Variants in PAPPA2 observed in about 807,000 individuals in gnomAD.
The protein encoded by PAPPA2 is pappalysin-2.
In PAPPA2, 86 loss-of-function variants were observed where a neutral mutation model predicts 176.4. The ratio of observed to expected loss-of-function variants is 0.49; its 90% CI spans 0.41 to 0.58. The LOEUF is 0.58. Ranked by LOEUF, PAPPA2 falls within the 20% of genes least tolerant of loss-of-function variation. The probability of loss-of-function intolerance (pLI) is 0.00; values close to 1 mark genes in which losing one functional copy is unlikely to be tolerated. For missense variants in PAPPA2, 2,073 were observed against 2,256.9 expected (o/e 0.92, Z 1.65); for synonymous variants, 809 against 852.2 (o/e 0.95, Z 0.88).
intron 21 of PAPPA2, among the ~76,000 whole-genome samples, chr1:176,809,664 C>T (rs1001014735): frequency 3.3e-5 from 5 of 152,180 alleles, no homozygotes; most frequent in South Asian, 2.1e-4. Context: ...TGAGGGTTTT[C>T]GTACCATTTT....
intron 1 of PAPPA2, among the ~76,000 whole-genome samples, chr1:176,497,275 C>T (rs542340421): frequency 4.6e-5 from 7 of 152,292 alleles, no homozygotes; most frequent in South Asian, 2.1e-4. Context: ...TGGGCTTCTA[C>T]GACCACCTAA....
intron 3 of PAPPA2, among the ~76,000 whole-genome samples, chr1:176,621,876 T>A (rs1163440223): frequency 6.6e-6 from 1 of 152,198 alleles, no homozygotes; most frequent in African/African-American, 2.4e-5. Flanking sequence ...GCCAGAGTTT[T>A]TATTAATATT....
chr1:176,606,093 A>G (rs1468446411), intron 3 of PAPPA2, among the ~76,000 whole-genome samples: 1 of 151,736 alleles, frequency 6.6e-6, no homozygotes, highest in Non-Finnish European at 1.5e-5. Flanking sequence ...ACATATATAT[A>G]TAATTATACC....
At chr1:176,687,845 T>C (rs1558519876) in intron 4 of PAPPA2, among the ~76,000 whole-genome samples, 1 of 152,294 alleles carries the variant, frequency 6.6e-6, no homozygotes, top group East Asian at 1.9e-4. Context: ...AGGTTCTGTG[T>C]TCAAATAAGT....
intron 9 of PAPPA2, among the ~76,000 whole-genome samples, chr1:176,703,816 G>T (rs1016568516): frequency 6.6e-6 from 1 of 152,166 alleles, no homozygotes; most frequent in South Asian, 2.1e-4. Context: ...CCTTGCTCAC[G>T]TGCTGTCCCT....
At chr1:176,680,832 G>T (rs1659551967) in intron 4 of PAPPA2, among the ~76,000 whole-genome samples, 1 of 152,134 alleles carries the variant, frequency 6.6e-6, no homozygotes, top group Non-Finnish European at 1.5e-5. Context: ...AGTAATTATT[G>T]CTGTAATGAG....
At chr1:176,545,415 AAAATAAATAAATAAATAAATAAAT>A (rs55993766) in intron 1 of PAPPA2, among the ~76,000 whole-genome samples, 2 of 146,284 alleles carry the variant, frequency 1.4e-5, no homozygotes, top group African/African-American at 2.5e-5. Flanking sequence ...AACCTCAGAA[AAAATAAATAAATAAATAAATAAAT>A]AAATAAATAA....
intron 2 of PAPPA2, among the ~76,000 whole-genome samples, chr1:176,561,893 A>G (rs1429380441): frequency 6.6e-6 from 1 of 152,200 alleles, no homozygotes; most frequent in Non-Finnish European, 1.5e-5. Context: ...GCTGAAGGTG[A>G]ATGAGGAGGA....
intron 1 of PAPPA2, among the ~76,000 whole-genome samples, chr1:176,547,720 G>T (rs1301395537): frequency 6.6e-6 from 1 of 152,088 alleles, no homozygotes; most frequent in Non-Finnish European, 1.5e-5. Flanking sequence ...AGCATCCCTA[G>T]CCTGTACCCA....
At chr1:176,557,371 A>G in intron 2 of PAPPA2, 130 bp downstream of exon 2, 1 of 1,036,592 alleles carries the variant, frequency 9.6e-7, no homozygotes, top group African/African-American at 1.6e-5. Context: ...AGCCAGGGAG[A>G]GGGGGAAGGG....
At chr1:176,796,462 T>C (rs1359698792) in intron 20 of PAPPA2, among the ~76,000 whole-genome samples, 1 of 152,186 alleles carries the variant, frequency 6.6e-6, no homozygotes, top group Non-Finnish European at 1.5e-5. Flanking sequence ...TAAAAAATAA[T>C]TGAGCAATTT....
At chr1:176,789,423 G>A (rs1292544285) in intron 17 of PAPPA2, among the ~76,000 whole-genome samples, 1 of 151,686 alleles carries the variant, frequency 6.6e-6, no homozygotes, top group Non-Finnish European at 1.5e-5. Context: ...GAGTGGGGAG[G>A]GATAGCATTA....
chr1:176,731,272 C>CCACA (rs113859228), intron 12 of PAPPA2, among the ~76,000 whole-genome samples: 10 of 149,730 alleles, frequency 6.7e-5, no homozygotes, highest in Admixed American at 1.3e-4. Context: ...ACTGACAAAA[C>CCACA]CACACACACA....
chr1:176,774,186 T>C (rs1286430087), intron 17 of PAPPA2, among the ~76,000 whole-genome samples: 1 of 152,172 alleles, frequency 6.6e-6, no homozygotes, highest in Non-Finnish European at 1.5e-5. Flanking sequence ...TTCTTTAAAA[T>C]TGATGTTTCT....
At chr1:176,705,377 T>C (rs1660834579) in intron 9 of PAPPA2, among the ~76,000 whole-genome samples, 1 of 152,218 alleles carries the variant, frequency 6.6e-6, no homozygotes, top group African/African-American at 2.4e-5. Flanking sequence ...CATTTCTAAT[T>C]ATTTAATCTT....
At chr1:176,738,441 G>C (rs1662519940) in intron 12 of PAPPA2, among the ~76,000 whole-genome samples, 2 of 152,078 alleles carry the variant, frequency 1.3e-5, no homozygotes, top group South Asian at 4.2e-4. Flanking sequence ...ATGAGTCTGT[G>C]GACAAGGAAG....
At chr1:176,693,066 G>A (rs1479467474) in intron 6 of PAPPA2, among the ~76,000 whole-genome samples, 1 of 152,204 alleles carries the variant, frequency 6.6e-6, no homozygotes, top group African/African-American at 2.4e-5. Context: ...GGAGAGAAAG[G>A]TAGGAAAATG....
chr1:176,708,446 G>C (rs1279225983), intron 10 of PAPPA2, among the ~76,000 whole-genome samples: 6 of 151,542 alleles, frequency 4.0e-5, no homozygotes, highest in Non-Finnish European at 8.8e-5. Flanking sequence ...TTTTAAGTCC[G>C]TGCTTAAAAA....
intron 1 of PAPPA2, among the ~76,000 whole-genome samples, chr1:176,477,895 C>T (rs1652214889): frequency 6.6e-6 from 1 of 152,198 alleles, no homozygotes; most frequent in Admixed American, 6.5e-5. Flanking sequence ...CCAGACTCAC[C>T]TCTGTCTCAA....
Sources: gnomAD v4.1 joint callset for allele counts (sites outside exome capture counted in the v4.1 genomes callset) on GRCh38, gnomAD v4.1.1 for gene constraint, MANE v1.5 for transcripts, NCBI Gene and HGNC (gene_info 2026-07-23, HGNC 2026-07-21) for gene names.